The following ZNF646 variants were observed in gnomAD, a reference collection of about 807,000 sequenced individuals.
ZNF646 encodes zinc finger protein 646.
Under a neutral mutation model 115.4 loss-of-function variants are expected in ZNF646, and 49 were observed. The ratio of observed to expected loss-of-function variants is 0.42; its 90% confidence interval spans 0.34 to 0.54. ZNF646 has a LOEUF of 0.54. Among genes scored for constraint, ZNF646 ranks in the 20% least tolerant of loss-of-function variants. The pLI, the probability that ZNF646 is intolerant of heterozygous loss-of-function variation, is 0.04. For synonymous variants in ZNF646, 933 were observed against 939.0 expected (o/e 0.99, Z 0.12); for missense variants, 2,269 against 2,457.9 (o/e 0.92, Z 1.62).
At chr16:31,082,074 C>G (rs926652769) in intron 2 of ZNF646, 2 of 390,830 alleles carry the variant, frequency 5.1e-6, no homozygotes, top group Non-Finnish European at 9.4e-6. Flanking sequence ...AAAGTAATGA[C>G]TTCCAGAGAA....
chr16:31,078,998 G>A lies in ZNF646; in HGVS notation c.2674G>A (p.Gly892Arg), dbSNP rs1355432987. ...CTGCCTCTGTGGCATGATCTTCCCTGGGCGGGCTGGCTACAGGCTTCACCG... is the reference window on the plus strand; with the variant it reads ...CTGCCTCTGTGGCATGATCTTCCCTAGGCGGGCTGGCTACAGGCTTCACCG... The part of the protein sequence containing the change: ...LCCLCGMIFP[G>R]RAGYRLHRRQ... Residue 892 changes from glycine to arginine, a missense_variant, in exon 2 of 3, where the codon GGG becomes AGG. Gly to Arg is a moderately radical substitution (Grantham distance 125). Coordinates refer to ENST00000300850, the MANE Select transcript of ZNF646 (RefSeq NM_014699.4). 6.3e-7 allele frequency: 1 copy of A among 1,599,486 alleles called. No individual in the cohort carries two copies. Among genetic ancestry groups the A allele is most frequent in the African/African-American group, 1.3e-5 (1 of 74,880 alleles).
chr16:31,082,772 A>G, intron 2 of ZNF646, 199 bp from the exon 3 acceptor site: 1 of 630,620 alleles, frequency 1.6e-6, no homozygotes, highest in South Asian at 2.2e-5. Flanking sequence ...TAAGGATAGA[A>G]GATTTCTCAT....
Position 31,083,431 on chromosome 16 carries a change from C to T in ZNF646, c.*339C>T. 2 of 1,283,344 alleles carry T rather than the reference C, an allele frequency of 1.6e-6. No individual in the cohort carries two copies. The highest frequency in any genetic ancestry group is 6.9e-5 in the East Asian group (2 of 29,118). 79.5% of individuals were successfully genotyped at this position (1,283,344 alleles called of 1,614,324 possible). On this transcript the variant is annotated 3_prime_UTR_variant, in exon 3 of 3. Coordinates refer to ENST00000300850, the MANE Select transcript of ZNF646 (RefSeq NM_014699.4). ...TTTGCTACAATTTGTAACTTATTTT[C>T]TAAAGTCTATTTTGTAACAATTTAT...
intron 1 of ZNF646, among the ~76,000 whole-genome samples, chr16:31,075,744 T>G (rs1398135531): frequency 1.3e-5 from 2 of 152,158 alleles, no homozygotes; most frequent in African/African-American, 4.8e-5. Context: ...CCTCAGCTAT[T>G]AACTGGAGGA....
Position 31,081,031 on chromosome 16 carries a change from T to C in ZNF646, c.4707T>C (p.Pro1569=). 5 of 1,613,982 alleles carry C rather than the reference T, an allele frequency of 3.1e-6. No homozygotes were observed. The highest frequency in any genetic ancestry group is 3.4e-6 in the Non-Finnish European group (4 of 1,180,036). ...CLLCSKEFLN[P]VATKSHSHNH... ...TCTGCTCCAAGGAGTTCTTAAATCC[T>C]GTGGCCACAAAGAGCCACAGCCACA... Residue 1569 remains proline, a synonymous_variant, in exon 2 of 3, where the codon CCT becomes CCC. Coordinates refer to ENST00000300850, the MANE Select transcript of ZNF646 (RefSeq NM_014699.4).
In ZNF646 at chr16:31,083,484, C is replaced by T. The variant is rs971109945; in HGVS notation, c.*392C>T. Reference sequence around the variant, plus strand: ...AAGTTTAAAAAAAGGAAAACTGCTGCCCCCCAAAAAAAGAAATTTTCAAAA... The same window carrying T: ...AAGTTTAAAAAAAGGAAAACTGCTGTCCCCCAAAAAAAGAAATTTTCAAAA... On this transcript the variant is annotated 3_prime_UTR_variant, in exon 3 of 3. Transcript: ENST00000300850. The T allele has an allele frequency of 1.5e-6, 2 of 1,326,696 alleles. No homozygotes were observed. The highest frequency in any genetic ancestry group is 3.7e-5 in the Admixed American group (1 of 26,972). The allele number at this position is 1,326,696 out of a possible 1,614,324, so 82.2% of individuals were successfully genotyped here. A position where few individuals can be genotyped will look rare whatever the true frequency, so the allele number is the denominator to read the frequency against.
Position 31,077,190 on chromosome 16 carries a change from C to T in ZNF646, c.866C>T (p.Ala289Val). Residue 289 changes from alanine to valine, a missense_variant, in exon 2 of 3, where the codon GCC (alanine) becomes GTC (valine). By Grantham distance (64) the Ala-to-Val change is moderately conservative (BLOSUM62 0). Transcript: ENST00000300850. Reference protein sequence around the residue: ...MALKNHSRLHAQYRPYHCPHC... With the variant: ...MALKNHSRLHVQYRPYHCPHC... ...CTGAAGAACCACTCTCGACTGCATG[C>T]CCAGTATCGGCCTTACCACTGTCCC... The T allele has an allele frequency of 1.2e-6, 2 of 1,614,202 alleles. No individual in the cohort carries two copies. Among genetic ancestry groups the T allele is most frequent in the South Asian group, 2.2e-5 (2 of 91,082 alleles).
At position 31,078,274 on chromosome 16, in the gene ZNF646, C is replaced by T. The variant is rs1423484898; in HGVS notation, c.1950C>T (p.Ala650=). The part of the protein sequence containing the change: ...QTGDFSCGAC[A]KHFHTMAAMK... The stretch of plus-strand genomic sequence containing the variant: ...GAGACTTCAGTTGTGGGGCCTGTGC[C>T]AAGCACTTCCACACCATGGCTGCCA... The change falls in exon 2 of 3, where the codon GCC becomes GCT. Residue 650 remains alanine, a synonymous_variant. Coordinates refer to ENST00000300850, the MANE Select transcript of ZNF646 (RefSeq NM_014699.4). 6.2e-7 allele frequency: 1 copy of T among 1,613,666 alleles called. No homozygotes were observed. The highest frequency in any genetic ancestry group is 8.5e-7 in the Non-Finnish European group (1 of 1,179,970).
Position 31,082,980 on chromosome 16 carries a change from T to C in ZNF646, c.5387T>C (p.Val1796Ala), listed in dbSNP as rs917971128. 1 of 1,596,574 alleles carries C rather than the reference T, an allele frequency of 6.3e-7. No individual in the cohort carries two copies. Among genetic ancestry groups the C allele is most frequent in the Non-Finnish European group, 8.5e-7 (1 of 1,171,162 alleles). Residue 1796 changes from valine (V) to alanine (A), a missense_variant, in exon 3 of 3, where the codon GTG becomes GCG. This residue lies in a region of ZNF646 where 1,062 missense variants were observed against 1,172.8 expected (regional missense o/e 0.91). Transcript: ENST00000300850. ...CTCTCTCTCCCCCCAGGAGCCCCAG[T>C]GGCACCAGTGACGGGCAGAGGGGAC... ...EWTVAGSGAP[V>A]APVTGRGDLP...
Position 31,077,994 on chromosome 16 carries a change from A to G in ZNF646, c.1670A>G (p.Lys557Arg), listed in dbSNP as rs767087465. The G allele has an allele frequency of 6.2e-7, 1 of 1,614,106 alleles. No individual in the cohort carries two copies. Residue 557 changes from lysine (K) to arginine (R), a missense_variant, in exon 2 of 3, where the codon AAA becomes AGA. Coordinates refer to ENST00000300850, the MANE Select transcript of ZNF646 (RefSeq NM_014699.4). ...APHTDQDHVC[K>R]HEEEATDITP... ...CACACAGATCAGGACCATGTGTGCAAACATGAAGAAGAGGCCACGGACATC... is the reference window on the plus strand; with the variant it reads ...CACACAGATCAGGACCATGTGTGCAGACATGAAGAAGAGGCCACGGACATC...
In ZNF646 at chr16:31,079,917, G is replaced by A. The variant is rs780230773; in HGVS notation, c.3593G>A (p.Ser1198Asn). The change falls in exon 2 of 3, where the codon AGC becomes AAC. Residue 1198 changes from serine to asparagine, a missense_variant. Physicochemically the swap from Ser to Asn is conservative, Grantham distance 46 (BLOSUM62 1). This residue lies in a region of ZNF646 where 1,062 missense variants were observed against 1,172.8 expected (regional missense o/e 0.91). Transcript: ENST00000300850. The surrounding 1 kb of genome is among the most constrained non-coding windows in gnomAD (Gnocchi z 5.5). ...GAGAAGGGCTGCCAGACTGAAGCCA[G>A]CTCTGAGCGGCCCTTCAGCTGCGAG... ...TAEKGCQTEA[S>N]SERPFSCEVC... 6.2e-7 allele frequency: 1 copy of A among 1,612,224 alleles called. No homozygotes were observed. The highest frequency in any genetic ancestry group is 1.1e-5 in the South Asian group (1 of 91,002).
chr16:31,081,286 G>T lies in ZNF646; in HGVS notation c.4962G>T (p.Glu1654Asp). Residue 1654 changes from glutamate (E) to aspartate (D), a missense_variant, in exon 2 of 3, where the codon GAG becomes GAT. Glu to Asp is a conservative substitution (Grantham distance 45, BLOSUM62 2). Around this residue, in one of 5 missense-constraint regions of ZNF646, gnomAD observed 1,062 missense variants for 1,172.8 expected, o/e 0.91. Coordinates refer to ENST00000300850, the MANE Select transcript of ZNF646 (RefSeq NM_014699.4). ...CAGAAACCCCCAGAGGCCCAGGAGAGAGTGTGGAGAGAGCCAGGGGAGGAC... is the reference window on the plus strand; with the variant it reads ...CAGAAACCCCCAGAGGCCCAGGAGATAGTGTGGAGAGAGCCAGGGGAGGAC... ...APSETPRGPG[E>D]SVERARGGQA... The T allele has an allele frequency of 6.2e-7, 1 of 1,613,258 alleles. No individual in the cohort carries two copies. Among genetic ancestry groups the T allele is most frequent in the Non-Finnish European group, 8.5e-7 (1 of 1,179,452 alleles).
rs1156534808 is a variant in ZNF646 at position 31,078,695 on chromosome 16, G to T, written c.2371G>T (p.Val791Leu). 3.1e-6 allele frequency: 5 copies of T among 1,614,098 alleles called. No individual in the cohort carries two copies. Among genetic ancestry groups the T allele is most frequent in the Admixed American group, 1.7e-5 (1 of 60,022 alleles). ...TCACTTCTGCGATAGCCTCACTGGG[G>T]TGGATGAAGACCAGAAGCCAGCCAC... ...GTHFCDSLTGVDEDQKPATGQ... is the reference protein window; with the variant it reads ...GTHFCDSLTGLDEDQKPATGQ... Residue 791 changes from valine to leucine, a missense_variant, in exon 2 of 3, where the codon GTG (valine) becomes TTG (leucine). Physicochemically the swap from Val to Leu is conservative, Grantham distance 32 (BLOSUM62 1). Coordinates refer to ENST00000300850, the MANE Select transcript of ZNF646 (RefSeq NM_014699.4).
In ZNF646 at chr16:31,079,925, C is replaced by A. The variant is rs1300637758; in HGVS notation, c.3601C>A (p.Arg1201=). The A allele has an allele frequency of 1.2e-6, 2 of 1,611,792 alleles. No homozygotes were observed. The highest frequency in any genetic ancestry group is 1.7e-6 in the Non-Finnish European group (2 of 1,178,548). The change falls in exon 2 of 3, where the codon CGG becomes AGG. Residue 1201 remains arginine (R), a synonymous_variant. Coordinates refer to ENST00000300850, the MANE Select transcript of ZNF646 (RefSeq NM_014699.4). The surrounding 1 kb of genome is among the most constrained non-coding windows in gnomAD (Gnocchi z 5.5). ...CTGCCAGACTGAAGCCAGCTCTGAGCGGCCCTTCAGCTGCGAGGTGTGTGG... is the reference window on the plus strand; with the variant it reads ...CTGCCAGACTGAAGCCAGCTCTGAGAGGCCCTTCAGCTGCGAGGTGTGTGG... ...KGCQTEASSE[R]PFSCEVCGRS...
chr16:31,074,158 G>A (rs72785529), upstream of ZNF646: 1 of 152,340 alleles, frequency 6.6e-6, no homozygotes, highest in Non-Finnish European at 1.5e-5. Context: ...CTGTGGCCAG[G>A]GCTGTAGAAT....
Position 31,081,656 on chromosome 16 carries a change from C to T in ZNF646, c.5332C>T (p.Gln1778Ter), listed in dbSNP as rs762069872. ...RHFRRRISFV[Q>*]HQQQHQEEWT... ...CTTCCGCCGCCGAATCAGCTTCGTGCAGCACCAGCAGCAGCACCAGGAGGA... is the reference window on the plus strand; with the variant it reads ...CTTCCGCCGCCGAATCAGCTTCGTGTAGCACCAGCAGCAGCACCAGGAGGA... Residue 1778 changes from glutamine to a stop codon, truncating the protein, a stop_gained, in exon 2 of 3, where the codon CAG (glutamine) becomes TAG (stop). Transcript: ENST00000300850. LOFTEE classifies it high-confidence loss of function. 6.2e-7 allele frequency: 1 copy of T among 1,603,788 alleles called. No homozygotes were observed.
chr16:31,079,076 G>C lies in ZNF646; in HGVS notation c.2752G>C (p.Glu918Gln), dbSNP rs1425533727. The part of the protein sequence containing the change: ...GMTEGSEEEG[E>Q]EEGVAEAAPA... ...GACTGAGGGCTCAGAGGAGGAGGGG[G>C]AAGAGGAAGGAGTGGCAGAGGCAGC... Residue 918 changes from glutamate to glutamine, a missense_variant, in exon 2 of 3, where the codon GAA (glutamate) becomes CAA (glutamine). This residue lies in a region of ZNF646 where 852 missense variants were observed against 900.2 expected (regional missense o/e 0.95). Transcript: ENST00000300850. The surrounding 1 kb of genome is among the most constrained non-coding windows in gnomAD (Gnocchi z 5.5). 6.3e-7 allele frequency: 1 copy of C among 1,575,148 alleles called. No individual in the cohort carries two copies. Among genetic ancestry groups the C allele is most frequent in the Non-Finnish European group, 8.6e-7 (1 of 1,157,152 alleles).
rs781216621 is a variant in ZNF646, at chr16:31,078,413, C to T, written c.2089C>T (p.Arg697Trp). 1.6e-5 allele frequency: 26 copies of T among 1,608,886 alleles called. No homozygotes were observed. The highest frequency in any genetic ancestry group is 5.5e-5 in the South Asian group (5 of 90,630). ...AKLLAAESWT[R>W]ELEDNEGLES... is the part of the protein sequence containing the mutation. ...ACTCCTGGCAGCGGAGAGCTGGACC[C>T]GGGAGCTAGAAGACAATGAAGGCCT... The change falls in exon 2 of 3, where the codon CGG (arginine) becomes TGG (tryptophan). Residue 697 changes from arginine (R) to tryptophan (W), a missense_variant. By Grantham distance (101) the Arg-to-Trp change is moderately radical (BLOSUM62 -3). This residue lies in a region of ZNF646 where 852 missense variants were observed against 900.2 expected (regional missense o/e 0.95). Coordinates refer to ENST00000300850, the MANE Select transcript of ZNF646 (RefSeq NM_014699.4).
rs760164374 is a variant in ZNF646 at position 31,079,304 on chromosome 16, G to A, written c.2980G>A (p.Gly994Arg). 3.1e-6 allele frequency: 5 copies of A among 1,613,296 alleles called. No individual in the cohort carries two copies. Among genetic ancestry groups the A allele is most frequent in the South Asian group, 1.1e-5 (1 of 91,072 alleles). ...TTADKAPSPL[G>R]VAGDAMEMVV... Reference sequence around the variant, plus strand: ...TGCAGACAAGGCTCCCAGCCCCTTGGGAGTGGCAGGTGATGCCATGGAGAT... The same window carrying A: ...TGCAGACAAGGCTCCCAGCCCCTTGAGAGTGGCAGGTGATGCCATGGAGAT... The change falls in exon 2 of 3, where the codon GGA (glycine) becomes AGA (arginine). Residue 994 changes from glycine (G) to arginine (R), a missense_variant. Gly to Arg is a moderately radical substitution (Grantham distance 125). This residue lies in a region of ZNF646 where 1,062 missense variants were observed against 1,172.8 expected (regional missense o/e 0.91). Coordinates refer to ENST00000300850, the MANE Select transcript of ZNF646 (RefSeq NM_014699.4). This position sits in a 1 kb window ranked among gnomAD's most constrained non-coding sequence, Gnocchi z 5.5.
Sources: gnomAD v4.1 joint callset for allele counts (sites outside exome capture counted in the v4.1 genomes callset) on GRCh38, gnomAD v4.1.1 for gene constraint, gnomAD v4.1.1 regional missense constraint, Gnocchi (gnomAD v3.1) non-coding constraint, MANE v1.5 for transcripts, NCBI Gene and HGNC (gene_info 2026-07-23, HGNC 2026-07-21) for gene names.